The following FYN variants were observed in gnomAD, a reference collection of about 807,000 sequenced individuals.
FYN encodes FYN proto-oncogene, Src family tyrosine kinase.
FYN carries 10 observed loss-of-function variants against 70.2 expected under a neutral mutation model. The ratio of observed to expected loss-of-function variants is 0.14; its 90% CI spans 0.09 to 0.24. The LOEUF (loss-of-function observed/expected upper bound fraction) is 0.24. Ranked by LOEUF, FYN falls within the 10% of genes least tolerant of loss-of-function variation. The pLI is 1.00. For synonymous variants in FYN, 236 were observed against 248.6 expected, an observed-to-expected ratio of 0.95 and a Z score of 0.48; for missense variants, 319 against 673.1, an observed-to-expected ratio of 0.47 and a Z score of 5.82.
At chr6:111,815,871 T>G (rs937917574) in intron 2 of FYN, among the ~76,000 whole-genome samples, 1 of 152,014 alleles carries the variant, frequency 6.6e-6, no homozygotes, top group Admixed American at 6.5e-5. Context: ...TGCTAATTTT[T>G]GTAGTTTTTG....
intron 8 of FYN, chr6:111,702,671 C>A: frequency 2.5e-6 from 1 of 402,726 alleles, no homozygotes; most frequent in Admixed American, 4.4e-5. Flanking sequence ...ATTATAGAAT[C>A]TTCGGACAAA....
chr6:111,680,689 A>G (rs546365983), intron 12 of FYN, among the ~76,000 whole-genome samples: 53 of 152,330 alleles, frequency 3.5e-4, no homozygotes, highest in Middle Eastern at 3.4e-3. Flanking sequence ...TGATGCTTCC[A>G]TTGTCACTTC....
intron 12 of FYN, among the ~76,000 whole-genome samples, chr6:111,688,044 A>C (rs1799102486): frequency 6.6e-6 from 1 of 152,176 alleles, no homozygotes; most frequent in Non-Finnish European, 1.5e-5. Flanking sequence ...AAAAACAAAA[A>C]ACAAACCAAA....
At chr6:111,707,883 T>TA (rs758094326) in intron 6 of FYN, 39 bp downstream of exon 6, 1 of 1,487,520 alleles carries the variant, frequency 6.7e-7, no homozygotes, top group South Asian at 1.1e-5. Context: ...AATCAACTTT[T>TA]AAAATCAAGT....
intron 1 of FYN, among the ~76,000 whole-genome samples, chr6:111,857,696 G>GGA (rs1554297009): frequency 7.4e-6 from 1 of 135,226 alleles, no homozygotes; most frequent in Non-Finnish European, 1.5e-5. Flanking sequence ...ACTTATGGCA[G>GGA]AAAAAAAAAC....
chr6:111,686,353 C>G (rs964980186), intron 12 of FYN, among the ~76,000 whole-genome samples: 5 of 152,144 alleles, frequency 3.3e-5, no homozygotes, highest in Admixed American at 2.0e-4. Context: ...CAGCACGGTT[C>G]AGGCATGCGA....
chr6:111,681,177 G>A lies in FYN; in HGVS notation c.1274-6547C>T, dbSNP rs796988066. Among the ~76,000 whole-genome samples, 4 of 151,490 alleles carry A rather than the reference G, an allele frequency of 2.6e-5. 1 individual carries two copies. The highest frequency in any genetic ancestry group is 6.6e-5 in the Admixed American group (1 of 15,204). On this transcript the variant is annotated intron_variant, in intron 12 of 13. Coordinates refer to ENST00000354650, the MANE Select transcript of FYN (RefSeq NM_002037.5). Reference sequence around the variant, plus strand: ...TGAGTAGCTGGGACTATTGGTGCACGCCACCATGCCTGGCTAATTTTTGTA... The same window carrying A: ...TGAGTAGCTGGGACTATTGGTGCACACCACCATGCCTGGCTAATTTTTGTA...
At chr6:111,727,128 C>T (rs909967147) in intron 3 of FYN, among the ~76,000 whole-genome samples, 1 of 152,200 alleles carries the variant, frequency 6.6e-6, no homozygotes, top group South Asian at 2.1e-4. Flanking sequence ...CTAGGTCTCA[C>T]CTCCATCCCC....
At chr6:111,797,699 T>C (rs1450436096) in intron 2 of FYN, among the ~76,000 whole-genome samples, 1 of 87,988 alleles carries the variant, frequency 1.1e-5, no homozygotes, top group Admixed American at 1.0e-4. Flanking sequence ...TATATATATA[T>C]ATATATATAT....
intron 3 of FYN, among the ~76,000 whole-genome samples, chr6:111,756,410 A>G (rs1802737196): frequency 6.7e-6 from 1 of 148,856 alleles, no homozygotes; most frequent in South Asian, 2.1e-4. Context: ...TTTAGAGAAA[A>G]AAAAGTAAAA....
rs145654324 is a variant in FYN, at chr6:111,812,393, G to A, written c.-81-31758C>T. Among the ~76,000 whole-genome samples, 218 of 152,184 alleles carry A rather than the reference G, an allele frequency of 1.4e-3. 1 individual carries two copies. In the Middle Eastern group the frequency reaches 0.017, roughly 12 times the overall value. ...GGGAGTGGGTTTAAGAGGGCTTAGCGCATATGCCTTCGTCTACTCTACTGG... is the reference window on the plus strand; with the variant it reads ...GGGAGTGGGTTTAAGAGGGCTTAGCACATATGCCTTCGTCTACTCTACTGG... On this transcript the variant is annotated intron_variant, in intron 2 of 13. Coordinates refer to ENST00000354650, the MANE Select transcript of FYN (RefSeq NM_002037.5).
chr6:111,677,192 A>G (rs1798565343), intron 12 of FYN, among the ~76,000 whole-genome samples: 1 of 152,254 alleles, frequency 6.6e-6, no homozygotes, highest in Admixed American at 6.5e-5. Flanking sequence ...GGAATAAAAC[A>G]TAATGTCTTT....
chr6:111,819,085 G>C lies in FYN; in HGVS notation c.-82+27504C>G, dbSNP rs572489394. ...CAGCTCTCCTCACTAGTCTTGGCTAGGTTTGATCATCTTTTCTCACCCAAA... is the reference window on the plus strand; with the variant it reads ...CAGCTCTCCTCACTAGTCTTGGCTACGTTTGATCATCTTTTCTCACCCAAA... On this transcript the variant is annotated intron_variant, in intron 2 of 13. Coordinates refer to ENST00000354650, the MANE Select transcript of FYN (RefSeq NM_002037.5). Among the ~76,000 whole-genome samples, 46 of 152,194 alleles carry C rather than the reference G, an allele frequency of 3.0e-4. 1 individual carries two copies. The South Asian group carries it at 9.4e-3, about 31-fold the overall frequency.
At chr6:111,670,390 T>C (rs1218779500) in intron 13 of FYN, among the ~76,000 whole-genome samples, 1 of 152,162 alleles carries the variant, frequency 6.6e-6, no homozygotes, top group African/African-American at 2.4e-5. Context: ...CTCTCCCCTC[T>C]CTCCCCTTCC....
intron 3 of FYN, among the ~76,000 whole-genome samples, chr6:111,765,238 T>A (rs768577763): frequency 1.2e-4 from 19 of 152,090 alleles, no homozygotes; most frequent in Non-Finnish European, 2.5e-4. Context: ...CTCAAATGCA[T>A]GTGTTGAAGC....
At chr6:111,800,172 T>C (rs1771939577) in intron 2 of FYN, among the ~76,000 whole-genome samples, 1 of 152,198 alleles carries the variant, frequency 6.6e-6, no homozygotes, top group South Asian at 2.1e-4. Flanking sequence ...AACAACTTTA[T>C]TAATGTTAAT....
intron 2 of FYN, among the ~76,000 whole-genome samples, chr6:111,808,409 C>T (rs1328153534): frequency 6.6e-6 from 1 of 152,180 alleles, no homozygotes; most frequent in Non-Finnish European, 1.5e-5. Context: ...AAGCAGACAC[C>T]AGAACCTGGA....
chr6:111,795,444 T>C (rs1771773303), intron 2 of FYN, among the ~76,000 whole-genome samples: 1 of 152,192 alleles, frequency 6.6e-6, no homozygotes, highest in African/African-American at 2.4e-5. Flanking sequence ...GAATTTCTGT[T>C]GTTTGAGCCA....
intron 1 of FYN, among the ~76,000 whole-genome samples, chr6:111,861,365 C>A (rs1773957256): frequency 6.6e-6 from 1 of 152,142 alleles, no homozygotes; most frequent in Non-Finnish European, 1.5e-5. Context: ...TATATGCCAG[C>A]AAAGGGGATA....
Sources: gnomAD v4.1 joint callset for allele counts (sites outside exome capture counted in the v4.1 genomes callset) on GRCh38, gnomAD v4.1.1 for gene constraint, MANE v1.5 for transcripts, NCBI Gene and HGNC (gene_info 2026-07-23, HGNC 2026-07-21) for gene names.